Variants in ANKS1B observed in about 807,000 individuals in gnomAD.
The protein encoded by ANKS1B is ankyrin repeat and sterile alpha motif domain-containing protein 1B.
ANKS1B carries 36 observed loss-of-function variants against 148.3 expected under a neutral mutation model. The ratio of observed to expected loss-of-function variants is 0.24; its 90% CI spans 0.19 to 0.32. The LOEUF (loss-of-function observed/expected upper bound fraction) is 0.32. ANKS1B is among the 10% of genes least tolerant of loss of function. ANKS1B has a pLI of 1.00. For missense variants in ANKS1B, 1,157 were observed against 1,542.6 expected, an observed-to-expected ratio of 0.75 and a Z score of 4.19; for synonymous variants, 542 against 560.8, an observed-to-expected ratio of 0.97 and a Z score of 0.47.
intron 17 of ANKS1B, among the ~76,000 whole-genome samples, chr12:98,841,726 G>A (rs185163561): frequency 1.7e-3 from 254 of 152,144 alleles, no homozygotes; most frequent in Non-Finnish European, 2.9e-3. Flanking sequence ...CAGAGGTTGA[G>A]TCCCAAGGAT....
At position 99,668,627 on chromosome 12, in the gene ANKS1B, TTTTC is replaced by T. The variant is rs969518411; in HGVS notation, c.1129-13421_1129-13418del. ...TAGATTATGATGTATCTTTGTCTAG[TTTTC>T]TTTGTTTTTGTCATGCTTTGCATTT... On this transcript the variant is annotated intron_variant, in intron 8 of 26. Transcript: ENST00000683438. Among the ~76,000 whole-genome samples the T allele has an allele frequency of 3.5e-4, 54 of 152,188 alleles. 1 individual carries two copies. Among genetic ancestry groups the T allele is most frequent in the African/African-American group, 1.3e-3 (53 of 41,564 alleles).
intron 1 of ANKS1B, among the ~76,000 whole-genome samples, chr12:99,873,093 C>T (rs1023308961): frequency 1.3e-5 from 2 of 152,114 alleles, no homozygotes; most frequent in African/African-American, 2.4e-5. Context: ...CCTCATAGGG[C>T]TATTGTGAAG....
intron 1 of ANKS1B, among the ~76,000 whole-genome samples, chr12:99,956,114 C>T (rs2095319820): frequency 6.6e-6 from 1 of 151,696 alleles, no homozygotes. Flanking sequence ...CCTGTCTCTA[C>T]TAAAAATACA....
At chr12:98,918,708 G>A (rs1375839639) in intron 17 of ANKS1B, among the ~76,000 whole-genome samples, 2 of 152,198 alleles carry the variant, frequency 1.3e-5, no homozygotes, top group African/African-American at 4.8e-5. Flanking sequence ...ATATGAGTGA[G>A]TCTACTTTAA....
At chr12:99,408,955 T>C (rs1164297425) in intron 11 of ANKS1B, among the ~76,000 whole-genome samples, 2 of 112,028 alleles carry the variant, frequency 1.8e-5, no homozygotes, top group Non-Finnish European at 4.0e-5. Context: ...TGGAGGTTCC[T>C]TAAATAACTA....
At chr12:99,977,922 T>C (rs145839324) in intron 1 of ANKS1B, among the ~76,000 whole-genome samples, 18 of 152,226 alleles carry the variant, frequency 1.2e-4, no homozygotes, top group African/African-American at 4.3e-4. Flanking sequence ...AAACGGAAAC[T>C]AAAGACACTC....
At chr12:99,279,904 T>C (rs917602552) in intron 12 of ANKS1B, among the ~76,000 whole-genome samples, 4 of 151,856 alleles carry the variant, frequency 2.6e-5, no homozygotes, top group African/African-American at 4.8e-5. Flanking sequence ...CCTGGGAAGA[T>C]GAGGTCGGAG....
intron 17 of ANKS1B, among the ~76,000 whole-genome samples, chr12:98,932,590 A>G (rs563817971): frequency 2.0e-5 from 3 of 152,254 alleles, no homozygotes; most frequent in Admixed American, 6.5e-5. Context: ...ATAGTATTTC[A>G]TCTGTCTTTG....
At chr12:99,683,862 A>C (rs2098634963) in intron 8 of ANKS1B, among the ~76,000 whole-genome samples, 1 of 152,020 alleles carries the variant, frequency 6.6e-6, no homozygotes, top group Admixed American at 6.6e-5. Flanking sequence ...CAGAATTAAA[A>C]ACATCATCTC....
intron 17 of ANKS1B, among the ~76,000 whole-genome samples, chr12:98,879,010 G>T (rs991292461): frequency 1.3e-5 from 2 of 152,304 alleles, no homozygotes; most frequent in South Asian, 4.1e-4. Context: ...TGTGATTGGC[G>T]CCTTCTGGAG....
chr12:99,774,193 ATAACT>A (rs1309798998), intron 7 of ANKS1B, among the ~76,000 whole-genome samples: 1 of 152,116 alleles, frequency 6.6e-6, no homozygotes, highest in East Asian at 1.9e-4. Flanking sequence ...CACTAAAAAG[ATAACT>A]TAAGGAATGG....
intron 1 of ANKS1B, among the ~76,000 whole-genome samples, chr12:99,864,454 TTAAG>T (rs911364327): frequency 6.6e-6 from 1 of 152,192 alleles, no homozygotes; most frequent in African/African-American, 2.4e-5. Context: ...CTACATATTA[TTAAG>T]TGAAATGTAC....
chr12:99,161,531 C>A (rs569182615), intron 14 of ANKS1B, among the ~76,000 whole-genome samples: 118 of 151,964 alleles, frequency 7.8e-4, no homozygotes, highest in African/African-American at 2.7e-3. Context: ...CAAACCAAAC[C>A]AAAACAAAAA....
At chr12:99,053,077 CA>C in intron 17 of ANKS1B, 79 bp downstream of exon 17, 1 of 1,324,752 alleles carries the variant, frequency 7.5e-7, no homozygotes, top group Non-Finnish European at 1.0e-6. Context: ...ATTGGATGTC[CA>C]AACACTTATA....
chr12:98,804,923 T>A (rs758381583), intron 20 of ANKS1B, among the ~76,000 whole-genome samples: 1 of 152,190 alleles, frequency 6.6e-6, no homozygotes, highest in African/African-American at 2.4e-5. Flanking sequence ...ACCTAAGAAG[T>A]CTTTTGCCAC....
intron 9 of ANKS1B, among the ~76,000 whole-genome samples, chr12:99,607,841 T>C (rs529776493): frequency 2.0e-5 from 3 of 152,184 alleles, no homozygotes; most frequent in African/African-American, 4.8e-5. Flanking sequence ...AGAGAAAGAA[T>C]GCAAGTTTTT....
intron 17 of ANKS1B, among the ~76,000 whole-genome samples, chr12:98,937,188 C>T (rs1044995203): frequency 3.3e-5 from 5 of 152,118 alleles, no homozygotes; most frequent in African/African-American, 1.2e-4. Context: ...CTTATAGGTG[C>T]TTTAAAATTT....
intron 8 of ANKS1B, among the ~76,000 whole-genome samples, chr12:99,726,571 C>CTGG (rs957037287): frequency 4.8e-4 from 73 of 152,256 alleles, no homozygotes; most frequent in African/African-American, 1.6e-3. Context: ...CAAAGAGGAG[C>CTGG]TGGTGCCATT....
At chr12:99,649,369 AC>A (rs1567561959) in intron 9 of ANKS1B, 1 of 1,614,128 alleles carries the variant, frequency 6.2e-7, no homozygotes, top group East Asian at 2.2e-5. Context: ...GTTTGGGTCC[AC>A]CTATTGTGAT....
Sources: gnomAD v4.1 joint callset for allele counts (sites outside exome capture counted in the v4.1 genomes callset) on GRCh38, gnomAD v4.1.1 for gene constraint, MANE v1.5 for transcripts, NCBI Gene and HGNC (gene_info 2026-07-23, HGNC 2026-07-21) for gene names.